The following PLCXD3 variants were observed in gnomAD, a reference collection of about 807,000 sequenced individuals.
The protein encoded by PLCXD3 is phosphatidylinositol specific phospholipase C X domain containing 3.
A neutral mutation model predicts 25.5 loss-of-function variants in PLCXD3; 19 were observed. That is an observed-to-expected ratio of 0.75 (90% CI 0.52 to 1.09). PLCXD3 has a LOEUF of 1.09. Among genes scored for constraint, PLCXD3 ranks in the 50% least tolerant of loss-of-function variants. The probability of loss-of-function intolerance (pLI) is 0.00; values close to 1 mark genes in which losing one functional copy is unlikely to be tolerated. For synonymous variants in PLCXD3, 174 were observed against 137.6 expected (o/e 1.26, Z -1.85); for missense variants, 411 against 388.1 (o/e 1.06, Z -0.50).
At position 41,382,374 on chromosome 5, in the gene PLCXD3, T is replaced by C. The variant is rs1745496013; in HGVS notation, c.264A>G (p.Leu88=). ...GATCAAAATAACGAATTCCAGCTCC[T>C]AGCTGGCCAGTAAAATTCATTGTCT... ...ATQTMNFTGQ[L]GAGIRYFDLR... is the part of the protein sequence containing the mutation. Residue 88 remains leucine (L), a synonymous_variant, in exon 2 of 3, where the codon CTA becomes CTG. Transcript: ENST00000377801. 2.5e-6 allele frequency: 4 copies of C among 1,613,426 alleles called. No homozygotes were observed. The highest frequency in any genetic ancestry group is 2.2e-5 in the South Asian group (2 of 91,070).
chr5:41,413,414 A>G (rs1746612236), intron 1 of PLCXD3, among the ~76,000 whole-genome samples: 1 of 152,240 alleles, frequency 6.6e-6, no homozygotes, highest in Non-Finnish European at 1.5e-5. Flanking sequence ...CTGCAATGCA[A>G]CAGGAAATTT....
intron 2 of PLCXD3, among the ~76,000 whole-genome samples, chr5:41,348,651 G>T (rs1744369269): frequency 6.7e-6 from 1 of 149,608 alleles, no homozygotes; most frequent in Non-Finnish European, 1.5e-5. Flanking sequence ...TTGTTTGTTT[G>T]TTTGTTTGTT....
At chr5:41,336,844 G>C (rs1240054874) in intron 2 of PLCXD3, among the ~76,000 whole-genome samples, 2 of 152,102 alleles carry the variant, frequency 1.3e-5, no homozygotes, top group African/African-American at 4.8e-5. Flanking sequence ...ACATAGTTCT[G>C]TTTCCTGTAC....
intron 2 of PLCXD3, among the ~76,000 whole-genome samples, chr5:41,359,478 T>A (rs1222968991): frequency 2.0e-5 from 3 of 152,206 alleles, no homozygotes; most frequent in Non-Finnish European, 2.9e-5. Context: ...ATCCATCTCC[T>A]CTAGGTTTTC....
At chr5:41,381,609 G>A (rs1745463219) in intron 2 of PLCXD3, among the ~76,000 whole-genome samples, 1 of 151,952 alleles carries the variant, frequency 6.6e-6, no homozygotes, top group Non-Finnish European at 1.5e-5. Context: ...TCCTCAGAAG[G>A]AACCAACCCT....
At chr5:41,321,660 A>T (rs1449315730) in intron 2 of PLCXD3, among the ~76,000 whole-genome samples, 1 of 152,230 alleles carries the variant, frequency 6.6e-6, no homozygotes, top group Non-Finnish European at 1.5e-5. Context: ...TGGAAGAATC[A>T]CATTACTTTA....
intron 1 of PLCXD3, among the ~76,000 whole-genome samples, chr5:41,438,347 C>T (rs768640683): frequency 2.6e-5 from 4 of 152,196 alleles, no homozygotes; most frequent in Admixed American, 6.5e-5. Flanking sequence ...TGCGAAACCC[C>T]ACTTTCAAGC....
intron 2 of PLCXD3, among the ~76,000 whole-genome samples, chr5:41,316,068 GGCTGCACA>G (rs1743281258): frequency 6.6e-6 from 1 of 152,174 alleles, no homozygotes; most frequent in African/African-American, 2.4e-5. Flanking sequence ...CCTAAACCCA[GGCTGCACA>G]GCTTGTGGTT....
rs141416749 is a variant in PLCXD3 at position 41,329,118 on chromosome 5, G to C, written c.813-15348C>G. Among the ~76,000 whole-genome samples, 220 of 152,200 alleles carry C rather than the reference G, an allele frequency of 1.4e-3. 2 individuals carry two copies. The East Asian group carries it at 0.017, about 12-fold the overall frequency. On this transcript the variant is annotated intron_variant, in intron 2 of 2. Transcript: ENST00000377801. The stretch of plus-strand genomic sequence containing the variant: ...TCCCCAGGGAAACTTCTGGTTTGTT[G>C]TTGTTGTTGTTCTTATTTGTTTTGT...
chr5:41,441,410 C>T (rs1054453547), intron 1 of PLCXD3, among the ~76,000 whole-genome samples: 10 of 152,164 alleles, frequency 6.6e-5, no homozygotes, highest in East Asian at 1.9e-4. Flanking sequence ...GGAATACGTT[C>T]GTTCTGCTCA....
Sources: allele counts gnomAD v4.1 joint callset (sites outside exome capture counted in the v4.1 genomes callset), GRCh38; gene constraint gnomAD v4.1.1; transcripts MANE v1.5; gene names NCBI Gene and HGNC (gene_info 2026-07-23, HGNC 2026-07-21).